TNFSF11: variants seen among roughly 807,000 people sequenced by gnomAD.
The protein encoded by TNFSF11 is tumor necrosis factor ligand superfamily member 11.
Under a neutral mutation model 32.2 loss-of-function variants are expected in TNFSF11, and 12 were observed. The ratio of observed to expected loss-of-function variants is 0.37; its 90% CI spans 0.24 to 0.60. The LOEUF (loss-of-function observed/expected upper bound fraction) is 0.60. Ranked by LOEUF, TNFSF11 falls within the 20% of genes least tolerant of loss-of-function variation. TNFSF11 has a pLI of 0.66. For missense variants in TNFSF11, 345 were observed against 398.0 expected (o/e 0.87, Z 1.13); for synonymous variants, 172 against 152.1 (o/e 1.13, Z -0.96).
intron 1 of TNFSF11, among the ~76,000 whole-genome samples, chr13:42,564,957 C>A (rs1310696211): frequency 6.6e-6 from 1 of 152,218 alleles, no homozygotes; most frequent in African/African-American, 2.4e-5. Flanking sequence ...CAGTACTCAA[C>A]AAAATCTGTG....
intron 2 of TNFSF11, among the ~76,000 whole-genome samples, chr13:42,598,705 C>T (rs542361224): frequency 3.9e-5 from 6 of 152,236 alleles, no homozygotes; most frequent in South Asian, 2.1e-4. Context: ...TGAGAAAGAC[C>T]GCACAGTTAC....
At chr13:42,574,124 T>C, upstream of TNFSF11, 1 of 747,560 alleles carries the variant, frequency 1.3e-6, no homozygotes, top group Non-Finnish European at 2.2e-6. Flanking sequence ...CCAAGCGGTT[T>C]ATAAGAGTTG....
intron 1 of TNFSF11, among the ~76,000 whole-genome samples, chr13:42,579,171 T>C (rs1435098009): frequency 6.6e-6 from 1 of 151,764 alleles, no homozygotes; most frequent in Non-Finnish European, 1.5e-5. Flanking sequence ...GGAGGGAGGA[T>C]TGCTTAAGCC....
chr13:42,574,277 A>G lies in TNFSF11; in HGVS notation c.-27A>G. On this transcript the variant is annotated 5_prime_UTR_variant, in exon 1 of 5. Coordinates refer to ENST00000398795, the MANE Select transcript of TNFSF11 (RefSeq NM_003701.4). The stretch of plus-strand genomic sequence containing the variant: ...GGGGAGGGAGCGGGAGAGGGAGGAG[A>G]GCTCCGAAGCGAGAGGGCCGAGCGC... 6.5e-7 allele frequency: 1 copy of G among 1,545,576 alleles called. No homozygotes were observed. Among genetic ancestry groups the G allele is most frequent in the Non-Finnish European group, 8.7e-7 (1 of 1,145,392 alleles).
intron 2 of TNFSF11, among the ~76,000 whole-genome samples, chr13:42,599,349 C>CATCTATCT (rs1555310744): frequency 0.11 from 12,119 of 111,830 alleles, 881 homozygotes; most frequent in African/African-American, 0.14. Flanking sequence ...ATCTATCTAT[C>CATCTATCT]ATCTATCTAT....
At chr13:42,606,152 T>A (rs1044327217) in intron 4 of TNFSF11, among the ~76,000 whole-genome samples, 2 of 152,354 alleles carry the variant, frequency 1.3e-5, no homozygotes, top group East Asian at 1.9e-4. Flanking sequence ...GTTGTTCTTG[T>A]CTCTCCGTCC....
chr13:42,587,381 G>A (rs1420403298), intron 2 of TNFSF11, among the ~76,000 whole-genome samples: 1 of 152,182 alleles, frequency 6.6e-6, no homozygotes, highest in Admixed American at 6.5e-5. Context: ...AAAAAGGAGT[G>A]GAAGGAGATG....
intron 2 of TNFSF11, among the ~76,000 whole-genome samples, chr13:42,588,021 A>G (rs955179713): frequency 3.9e-5 from 6 of 152,246 alleles, no homozygotes; most frequent in East Asian, 1.9e-4. Flanking sequence ...AAAGTTTCTC[A>G]TAAACCCACA....
chr13:42,587,231 C>T (rs1873941174), intron 2 of TNFSF11, among the ~76,000 whole-genome samples: 1 of 152,224 alleles, frequency 6.6e-6, no homozygotes, highest in Non-Finnish European at 1.5e-5. Flanking sequence ...GTGGAGACAT[C>T]ACTTCCAGTA....
intron 2 of TNFSF11, among the ~76,000 whole-genome samples, chr13:42,567,328 TCAAA>T (rs1872905736): frequency 6.6e-6 from 1 of 152,230 alleles, no homozygotes. Context: ...TAAAAACCTG[TCAAA>T]CAGAGTTGCT....
chr13:42,584,054 A>T (rs1376824180), intron 2 of TNFSF11, among the ~76,000 whole-genome samples: 1 of 152,216 alleles, frequency 6.6e-6, no homozygotes, highest in Non-Finnish European at 1.5e-5. Context: ...TGCTCTAAAA[A>T]TAAACATAAC....
intron 1 of TNFSF11, among the ~76,000 whole-genome samples, chr13:42,565,035 C>A (rs1467732524): frequency 1.3e-5 from 2 of 152,170 alleles, no homozygotes; most frequent in Non-Finnish European, 2.9e-5. Flanking sequence ...TACATCAGCT[C>A]CAGTAAAATA....
chr13:42,583,417 T>TAAAAAAAA (rs71747752), intron 2 of TNFSF11, among the ~76,000 whole-genome samples: 1,340 of 24,278 alleles, frequency 0.055, 94 homozygotes, highest in East Asian at 0.083. Flanking sequence ...AAGACCCTGC[T>TAAAAAAAA]AAAAAAAAAA....
intron 1 of TNFSF11, among the ~76,000 whole-genome samples, chr13:42,577,323 G>T (rs1329895260): frequency 6.6e-6 from 1 of 152,142 alleles, no homozygotes; most frequent in African/African-American, 2.4e-5. Flanking sequence ...TGTTTGAATA[G>T]ATAAAATTGA....
chr13:42,564,034 C>A (rs893843156), intron 1 of TNFSF11, among the ~76,000 whole-genome samples: 1 of 151,934 alleles, frequency 6.6e-6, no homozygotes, highest in East Asian at 1.9e-4. Flanking sequence ...AAATATTGTT[C>A]CTCTATTTTA....
chr13:42,605,305 G>A (rs1869396684), intron 4 of TNFSF11, among the ~76,000 whole-genome samples: 1 of 152,164 alleles, frequency 6.6e-6, no homozygotes, highest in South Asian at 2.1e-4. Context: ...ACTCAACTCT[G>A]CTTTGTTTTG....
chr13:42,573,561 T>G (rs1873147508), upstream of TNFSF11, among the ~76,000 whole-genome samples: 1 of 152,196 alleles, frequency 6.6e-6, no homozygotes, highest in South Asian at 2.1e-4. Context: ...AAGTCAGAGT[T>G]GGTGTCTATA....
rs200647526 is a variant in TNFSF11, at chr13:42,574,223, C to A, written c.-81C>A. On this transcript the variant is annotated 5_prime_UTR_variant, in exon 1 of 5. Coordinates refer to ENST00000398795, the MANE Select transcript of TNFSF11 (RefSeq NM_003701.4). ...GGCGCCCCACGTCGAGGCTCCGCCG[C>A]AGCCTCCGGAGTTGGCCGCAGACAA... 338 of 1,511,100 alleles carry A rather than the reference C, an allele frequency of 2.2e-4. No homozygotes were observed. The African/African-American group carries it at 4.2e-3, about 19-fold the overall frequency. 93.6% of individuals were successfully genotyped at this position (1,511,100 alleles called of 1,614,324 possible). A position where few individuals can be genotyped will look rare whatever the true frequency, so the allele number is the denominator to read the frequency against.
intron 1 of TNFSF11, among the ~76,000 whole-genome samples, chr13:42,565,228 ATAT>A (rs1425687744): frequency 9.8e-3 from 85 of 8,694 alleles, no homozygotes; most frequent in African/African-American, 0.012. Context: ...ATATATATAT[ATAT>A]TTTTTTCTTT....
Sources: allele counts gnomAD v4.1 joint callset (sites outside exome capture counted in the v4.1 genomes callset), GRCh38; gene constraint gnomAD v4.1.1; transcripts MANE v1.5; gene names NCBI Gene and HGNC (gene_info 2026-07-23, HGNC 2026-07-21).